SNX17: variants seen among roughly 807,000 people sequenced by gnomAD.
SNX17 encodes sorting nexin-17.
SNX17 carries 35 observed loss-of-function variants against 64.3 expected under a neutral mutation model. That is an observed-to-expected ratio of 0.54 (90% CI 0.42 to 0.72). The LOEUF (loss-of-function observed/expected upper bound fraction) is 0.72. Ranked by LOEUF, SNX17 falls within the 30% of genes least tolerant of loss-of-function variation. The probability of loss-of-function intolerance (pLI) is 0.00; values close to 1 mark genes in which losing one functional copy is unlikely to be tolerated. For missense variants in SNX17, 538 were observed against 610.0 expected (o/e 0.88, Z 1.24); for synonymous variants, 259 against 230.2 (o/e 1.13, Z -1.13).
chr2:27,375,752 G>T lies in SNX17; in HGVS notation c.978+43G>T. 1 of 1,611,728 alleles carries T rather than the reference G, an allele frequency of 6.2e-7. No individual in the cohort carries two copies. Among genetic ancestry groups the T allele is most frequent in the Non-Finnish European group, 8.5e-7 (1 of 1,179,058 alleles). On this transcript the variant is annotated intron_variant, in intron 10 of 14. Transcript: ENST00000233575. The surrounding 1 kb of genome is among the most constrained non-coding windows in gnomAD (Gnocchi z 4.1). Reference sequence around the variant, plus strand: ...GGGGAAGGGCCTGGGTTGGGGGCCCGGCAAGCCTTGAGCTTAGGTATGGGC... The same window carrying T: ...GGGGAAGGGCCTGGGTTGGGGGCCCTGCAAGCCTTGAGCTTAGGTATGGGC...
Position 27,375,072 on chromosome 2 carries a change from T to TA in SNX17, c.694dup (p.Ile232AsnfsTer2). 1.2e-6 allele frequency: 2 copies of TA among 1,614,112 alleles called. No homozygotes were observed. The highest frequency in any genetic ancestry group is 1.7e-6 in the Non-Finnish European group (2 of 1,179,990). On this transcript the variant is annotated frameshift_variant, in exon 9 of 15. Transcript: ENST00000233575. LOFTEE classifies it high-confidence loss of function. The surrounding 1 kb of genome is among the most constrained non-coding windows in gnomAD (Gnocchi z 4.1). Reference sequence around the variant, plus strand: ...TGTCTCTACTATAGACGGTATCAGATATTGAGCGTGGGTGGATCTTGGTCA... The same window carrying TA: ...TGTCTCTACTATAGACGGTATCAGATAATTGAGCGTGGGTGGATCTTGGTCA...
In SNX17 at chr2:27,375,386, C is replaced by T. The variant is rs905229938; in HGVS notation, c.775-120C>T. 2 of 1,043,906 alleles carry T rather than the reference C, an allele frequency of 1.9e-6. No individual in the cohort carries two copies. Among genetic ancestry groups the T allele is most frequent in the African/African-American group, 1.6e-5 (1 of 63,938 alleles). The allele number at this position is 1,043,906 out of a possible 1,614,324, so 64.7% of individuals were successfully genotyped here. Reference sequence around the variant, plus strand: ...AGCTCCTGACCTTGTGATCTGTCTGCCTCTGCCTCCTAAAGTGCTGGGATT... The same window carrying T: ...AGCTCCTGACCTTGTGATCTGTCTGTCTCTGCCTCCTAAAGTGCTGGGATT... On this transcript the variant is annotated intron_variant, in intron 9 of 14. Coordinates refer to ENST00000233575, the MANE Select transcript of SNX17 (RefSeq NM_014748.4). The surrounding 1 kb of genome is among the most constrained non-coding windows in gnomAD (Gnocchi z 4.1).
At position 27,374,606 on chromosome 2, in the gene SNX17, TC is replaced by T. The variant is rs1177527659; in HGVS notation, c.612-81del. ...TTAGCCCCTGATAGTTCCAGATTGC[TC>T]CTGTTTTGCCCATTTTCCATTCTAC... On this transcript the variant is annotated intron_variant, in intron 7 of 14. Coordinates refer to ENST00000233575, the MANE Select transcript of SNX17 (RefSeq NM_014748.4). 2.8e-6 allele frequency: 4 copies of T among 1,416,610 alleles called. No homozygotes were observed. In the South Asian group the frequency reaches 4.6e-5, roughly 16 times the overall value. 87.8% of individuals were successfully genotyped at this position (1,416,610 alleles called of 1,614,324 possible).
At position 27,375,990 on chromosome 2, in the gene SNX17, C is replaced by T. The variant is rs575046857; in HGVS notation, c.1104+19C>T. 35 of 1,613,890 alleles carry T rather than the reference C, an allele frequency of 2.2e-5. No individual in the cohort carries two copies. Among genetic ancestry groups the T allele is most frequent in the Non-Finnish European group, 2.7e-5 (32 of 1,179,874 alleles). On this transcript the variant is annotated intron_variant, in intron 11 of 14. Transcript: ENST00000233575. The surrounding 1 kb of genome is among the most constrained non-coding windows in gnomAD (Gnocchi z 4.1). ...CCCCCAGGTGTGAACCTACCCTCAG[C>T]CCTCCTCTGGAGCACCTTAAAGTGT...
At chr2:27,372,552 T>G in intron 2 of SNX17, 71 bp from the exon 3 acceptor site, 15 of 1,609,918 alleles carry the variant, frequency 9.3e-6, no homozygotes, top group Non-Finnish European at 1.2e-5. Context: ...GAGAACATTA[T>G]GAGCATATGT....
At chr2:27,374,849 C>A in intron 8 of SNX17, 91 bp downstream of exon 8, 1 of 1,280,130 alleles carries the variant, frequency 7.8e-7, no homozygotes, top group Non-Finnish European at 1.1e-6. Flanking sequence ...TCTTTGTTCC[C>A]AATTTGTGGG....
In SNX17 at chr2:27,375,861, G is replaced by A. The variant is rs760518587; in HGVS notation, c.994G>A (p.Gly332Arg). The A allele has an allele frequency of 4.3e-6, 7 of 1,614,006 alleles. No homozygotes were observed. The African/African-American group carries it at 5.3e-5, about 12-fold the overall frequency. ...CCTCTCCCAGGTACCATTGCCCAGT[G>A]GAAGCACGAGCAGCCCAGGCCGGGG... ...RVTSSVPLPS[G>R]STSSPGRGRG... Residue 332 changes from glycine to arginine, a missense_variant, in exon 11 of 15, where the codon GGA (glycine) becomes AGA (arginine). Coordinates refer to ENST00000233575, the MANE Select transcript of SNX17 (RefSeq NM_014748.4). This position sits in a 1 kb window ranked among gnomAD's most constrained non-coding sequence, Gnocchi z 4.1.
At position 27,376,671 on chromosome 2, in the gene SNX17, T is replaced by G; in HGVS notation, c.1365T>G (p.Asp455Glu). The change falls in exon 15 of 15, where the codon GAT (aspartate) becomes GAG (glutamate). Residue 455 changes from aspartate to glutamate, a missense_variant. Asp to Glu is a conservative substitution (Grantham distance 45). Around this residue, in one of 3 missense-constraint regions of SNX17, gnomAD observed 505 missense variants for 550.4 expected, o/e 0.92. Transcript: ENST00000233575. The part of the protein sequence containing the change: ...GSPSTDASAS[D>E]VHGNFAFEGI... ...CCAGCACAGATGCCAGTGCCAGTGA[T>G]GTCCACGGCAATTTCGCCTTCGAGG... is the stretch of plus-strand genomic sequence containing the variant. The G allele has an allele frequency of 1.2e-6, 2 of 1,614,222 alleles. No homozygotes were observed. The highest frequency in any genetic ancestry group is 1.7e-6 in the Non-Finnish European group (2 of 1,180,026).
intron 12 of SNX17, 35 bp from the exon 13 acceptor site, chr2:27,376,278 T>TCCTGC (rs748709771): frequency 1.2e-5 from 19 of 1,611,364 alleles, no homozygotes; most frequent in Non-Finnish European, 6.8e-6. Context: ...GGGGAAGTGA[T>TCCTGC]CCTGCCCTCA....
intron 7 of SNX17, 122 bp from the exon 8 acceptor site, chr2:27,374,564 TTCC>T: frequency 8.2e-7 from 1 of 1,224,020 alleles, no homozygotes; most frequent in Non-Finnish European, 1.2e-6. Context: ...CCTCCCAAGC[TTCC>T]TCCCACTATA....
At position 27,370,812 on chromosome 2, in the gene SNX17, G is replaced by A. The variant is rs1434250206; in HGVS notation, c.63+6G>A. On this transcript the variant is annotated splice_donor_region_variant and intron_variant, in intron 1 of 14. Transcript: ENST00000233575. ...GCGGCGGCTCCGCCTACGTGGTGAGGAGCGGCCGGAGCCGAGCCGGGCCGG... is the reference window on the plus strand; with the variant it reads ...GCGGCGGCTCCGCCTACGTGGTGAGAAGCGGCCGGAGCCGAGCCGGGCCGG... 2 of 1,540,682 alleles carry A rather than the reference G, an allele frequency of 1.3e-6. No homozygotes were observed. The highest frequency in any genetic ancestry group is 1.7e-6 in the Non-Finnish European group (2 of 1,145,510).
At chr2:27,372,537 C>T in intron 2 of SNX17, 86 bp from the exon 3 acceptor site, 10 of 1,597,040 alleles carry the variant, frequency 6.3e-6, no homozygotes, top group Non-Finnish European at 8.6e-6. Context: ...GGGAGGGGCA[C>T]CCAAGAGAAC....
rs1340206249 is a variant in SNX17, at chr2:27,376,107, C to G, written c.1106C>G (p.Ala369Gly). The G allele has an allele frequency of 1.2e-6, 2 of 1,614,008 alleles. No individual in the cohort carries two copies. The change falls in exon 12 of 15, where the codon GCT becomes GGT. Residue 369 changes from alanine to glycine, a missense_variant and splice_region_variant. Transcript: ENST00000233575. ...LQWVTITSPQ[A>G]IMMSICLQSM... ...GCTGGACACTCTTCTTGCCCTCAGG[C>G]TATCATGATGAGCATCTGCTTGCAG...
At chr2:27,372,943 A>G (rs1682784642) in intron 3 of SNX17, 3 of 1,313,264 alleles carry the variant, frequency 2.3e-6, no homozygotes, top group Non-Finnish European at 3.2e-6. Flanking sequence ...ACTAACATCT[A>G]TGAGAAATAC....
At position 27,375,988 on chromosome 2, in the gene SNX17, A is replaced by G; in HGVS notation, c.1104+17A>G. 6.2e-7 allele frequency: 1 copy of G among 1,614,018 alleles called. No individual in the cohort carries two copies. The highest frequency in any genetic ancestry group is 8.5e-7 in the Non-Finnish European group (1 of 1,179,932). On this transcript the variant is annotated intron_variant, in intron 11 of 14. Transcript: ENST00000233575. This position sits in a 1 kb window ranked among gnomAD's most constrained non-coding sequence, Gnocchi z 4.1. Reference sequence around the variant, plus strand: ...AGCCCCCAGGTGTGAACCTACCCTCAGCCCTCCTCTGGAGCACCTTAAAGT... The same window carrying G: ...AGCCCCCAGGTGTGAACCTACCCTCGGCCCTCCTCTGGAGCACCTTAAAGT...
At chr2:27,374,530 G>T in intron 7 of SNX17, 97 bp downstream of exon 7, 2 of 1,291,828 alleles carry the variant, frequency 1.5e-6, no homozygotes, top group East Asian at 4.6e-5. Flanking sequence ...ACAAGGGGGT[G>T]TAGTGCTGGG....
In SNX17 at chr2:27,374,416, G is replaced by A; in HGVS notation, c.594G>A (p.Lys198=). The A allele has an allele frequency of 1.2e-6, 2 of 1,613,812 alleles. No individual in the cohort carries two copies. The highest frequency in any genetic ancestry group is 2.2e-5 in the South Asian group (2 of 91,050). The change falls in exon 7 of 15, where the codon AAG becomes AAA. Residue 198 remains lysine (K), a synonymous_variant. Transcript: ENST00000233575. ...SVTSLRSQEY[K]IVLRKSYWDS... The stretch of plus-strand genomic sequence containing the variant: ...CCAGCCTTCGGAGTCAAGAGTATAA[G>A]ATTGTGCTAAGGAAGAGGTCAGGGC...
intron 3 of SNX17, 28 bp from the exon 4 acceptor site, chr2:27,373,219 C>G: frequency 6.2e-7 from 1 of 1,613,894 alleles, no homozygotes; most frequent in Non-Finnish European, 8.5e-7. Context: ...TGCTAAGTTC[C>G]TGTAATAATG....
rs3795975 is a variant in SNX17 at position 27,371,325 on chromosome 2, C to A, written c.120C>A (p.Leu40=). Residue 40 remains leucine, a synonymous_variant, in exon 2 of 15, where the codon CTC becomes CTA. Transcript: ENST00000233575. ...ACTGTCGGGTGCGCTACAGCCAGCT[C>A]CTGGGGCTGCACGAGCAGGTGGGAC... is the stretch of plus-strand genomic sequence containing the variant. ...VLHCRVRYSQ[L]LGLHEQLRKE... is the part of the protein sequence containing the mutation. 6.2e-7 allele frequency: 1 copy of A among 1,612,790 alleles called. No homozygotes were observed. The highest frequency in any genetic ancestry group is 1.3e-5 in the African/African-American group (1 of 74,912).
Sources: allele counts gnomAD v4.1 joint callset, GRCh38; gene constraint gnomAD v4.1.1; regional missense constraint gnomAD v4.1.1; non-coding constraint Gnocchi (gnomAD v3.1); transcripts MANE v1.5; gene names NCBI Gene and HGNC (gene_info 2026-07-23, HGNC 2026-07-21).